The following NR4A3 variants were observed in gnomAD, a reference collection of about 807,000 sequenced individuals.
The protein encoded by NR4A3 is chondrosarcoma, extraskeletal myxoid, fused to EWS.
A neutral mutation model predicts 55.6 loss-of-function variants in NR4A3; 13 were observed. That is an observed-to-expected ratio of 0.23 (90% confidence interval 0.15 to 0.37). NR4A3 has a LOEUF of 0.37. Among genes scored for constraint, NR4A3 ranks in the 10% least tolerant of loss-of-function variants. NR4A3 has a pLI of 1.00. For synonymous variants in NR4A3, 342 were observed against 357.9 expected, an observed-to-expected ratio of 0.96 and a Z score of 0.50; for missense variants, 646 against 822.8, an observed-to-expected ratio of 0.79 and a Z score of 2.63.
chr9:99,858,285 A>G (rs1011876093), intron 7 of NR4A3, among the ~76,000 whole-genome samples: 2 of 152,164 alleles, frequency 1.3e-5, no homozygotes, highest in Admixed American at 6.5e-5. Flanking sequence ...ATGAGCACAG[A>G]CCTAAATATA....
intron 5 of NR4A3, among the ~76,000 whole-genome samples, chr9:99,843,577 G>A (rs1393228136): frequency 6.6e-6 from 1 of 152,090 alleles, no homozygotes; most frequent in East Asian, 1.9e-4. Flanking sequence ...CCAGTACTTC[G>A]GGAGGCTGAG....
At chr9:99,835,149 C>T (rs1827535472) in intron 5 of NR4A3, 1 of 156,216 alleles carries the variant, frequency 6.4e-6, no homozygotes, top group Non-Finnish European at 1.4e-5. Flanking sequence ...GCACAGTGCC[C>T]TGTATGTTAT....
At chr9:99,832,087 A>G (rs1340999053) in intron 3 of NR4A3, among the ~76,000 whole-genome samples, 2 of 152,194 alleles carry the variant, frequency 1.3e-5, no homozygotes, top group Non-Finnish European at 2.9e-5. Flanking sequence ...GCTTTGAAAA[A>G]TCAGGAATGG....
chr9:99,848,318 G>A (rs2118123804), intron 7 of NR4A3, among the ~76,000 whole-genome samples: 2 of 152,222 alleles, frequency 1.3e-5, no homozygotes, highest in East Asian at 1.9e-4. Context: ...GTTCAACTCA[G>A]CAGTTTTTTA....
chr9:99,828,278 T>A lies in NR4A3; in HGVS notation c.236T>A (p.Met79Lys). Residue 79 changes from methionine to lysine, a missense_variant, in exon 3 of 8, where the codon ATG (methionine) becomes AAG (lysine). Physicochemically the swap from Met to Lys is moderately conservative, Grantham distance 95. Transcript: ENST00000395097. This position sits in a 1 kb window ranked among gnomAD's most constrained non-coding sequence, Gnocchi z 7.7. The stretch of plus-strand genomic sequence containing the variant: ...CTCAAGCCTTCCTGCGTGTACCAAA[T>A]GCAGCGGCCCTTGATCAAAGTGGAG... ...YELKPSCVYQ[M>K]QRPLIKVEEG... is the part of the protein sequence containing the mutation. The A allele has an allele frequency of 6.2e-7, 1 of 1,613,844 alleles. No individual in the cohort carries two copies. The highest frequency in any genetic ancestry group is 8.5e-7 in the Non-Finnish European group (1 of 1,179,950).
At position 99,828,902 on chromosome 9, in the gene NR4A3, C is replaced by T. The variant is rs1195918227; in HGVS notation, c.860C>T (p.Ser287Phe). The stretch of plus-strand genomic sequence containing the variant: ...TCGCCGCCCAGCAGGAGCTCGTCGT[C>T]TGGCGAGGGCACGTGTGCCGTGTGC... ...LPSPPSRSSS[S>F]GEGTCAVCGD... Residue 287 changes from serine (S) to phenylalanine (F), a missense_variant, in exon 3 of 8, where the codon TCT becomes TTT. Physicochemically the swap from Ser to Phe is radical, Grantham distance 155 (BLOSUM62 -2). Coordinates refer to ENST00000395097, the MANE Select transcript of NR4A3 (RefSeq NM_006981.4). The surrounding 1 kb of genome is among the most constrained non-coding windows in gnomAD (Gnocchi z 7.7). 3.3e-6 allele frequency: 5 copies of T among 1,505,520 alleles called. No individual in the cohort carries two copies. Among genetic ancestry groups the T allele is most frequent in the Non-Finnish European group, 8.8e-7 (1 of 1,131,526 alleles). The allele number at this position is 1,505,520 out of a possible 1,614,324, so 93.3% of individuals were successfully genotyped here. A position where few individuals can be genotyped will look rare whatever the true frequency, so the allele number is the denominator to read the frequency against.
In NR4A3 at chr9:99,832,755, C is replaced by T. The variant is rs1415682514; in HGVS notation, c.1018C>T (p.Arg340Cys). ...TAAAAACTGCCCAGTAGACAAGAGA[C>T]GTCGAAACCGATGTCAGTACTGTCG... ...ANKNCPVDKR[R>C]RNRCQYCRFQ... Residue 340 changes from arginine to cysteine, a missense_variant, in exon 4 of 8, where the codon CGT (arginine) becomes TGT (cysteine). Arg to Cys is a radical substitution (Grantham distance 180, BLOSUM62 -3). This residue lies in a region of NR4A3 where 44 missense variants were observed against 119.3 expected (regional missense o/e 0.37). Transcript: ENST00000395097. 4 of 1,608,930 alleles carry T rather than the reference C, an allele frequency of 2.5e-6. No homozygotes were observed. Among genetic ancestry groups the T allele is most frequent in the Admixed American group, 1.7e-5 (1 of 59,806 alleles).
In NR4A3 at chr9:99,832,759, G is replaced by A. The variant is rs1827470460; in HGVS notation, c.1022G>A (p.Arg341Gln). ...NKNCPVDKRR[R>Q]NRCQYCRFQK... ...AACTGCCCAGTAGACAAGAGACGTC[G>A]AAACCGATGTCAGTACTGTCGATTT... The change falls in exon 4 of 8, where the codon CGA becomes CAA. Residue 341 changes from arginine (R) to glutamine (Q), a missense_variant. Arg to Gln is a conservative substitution (Grantham distance 43). Coordinates refer to ENST00000395097, the MANE Select transcript of NR4A3 (RefSeq NM_006981.4). 6.2e-7 allele frequency: 1 copy of A among 1,609,368 alleles called. No individual in the cohort carries two copies. Among genetic ancestry groups the A allele is most frequent in the Non-Finnish European group, 8.5e-7 (1 of 1,176,654 alleles).
intron 5 of NR4A3, among the ~76,000 whole-genome samples, chr9:99,841,446 C>T (rs1460819594): frequency 3.3e-5 from 5 of 152,096 alleles, no homozygotes; most frequent in African/African-American, 9.7e-5. Context: ...AACATCAGGG[C>T]TGAAAATCAA....
chr9:99,865,314 A>G lies in NR4A3; in HGVS notation c.*1447A>G, dbSNP rs1018975167. ...ATTAAATAAGCAAATATATATATAT[A>G]TATAAATATAGCAGGTTACATATAT... On this transcript the variant is annotated 3_prime_UTR_variant, in exon 8 of 8. Coordinates refer to ENST00000395097, the MANE Select transcript of NR4A3 (RefSeq NM_006981.4). This position sits in a 1 kb window ranked among gnomAD's most constrained non-coding sequence, Gnocchi z 4.3. The G allele has an allele frequency of 1.2e-5, 2 of 170,294 alleles. No homozygotes were observed. The highest frequency in any genetic ancestry group is 6.4e-5 in the Admixed American group (1 of 15,618). The allele number at this position is 170,294 out of a possible 1,614,324, so 10.5% of individuals were successfully genotyped here.
At chr9:99,860,188 T>G (rs886505533) in intron 7 of NR4A3, among the ~76,000 whole-genome samples, 1 of 151,638 alleles carries the variant, frequency 6.6e-6, no homozygotes, top group Non-Finnish European at 1.5e-5. Context: ...TATTTAATAT[T>G]CTACTCTTTA....
chr9:99,830,321 A>G (rs750480868), intron 3 of NR4A3, among the ~76,000 whole-genome samples: 18 of 152,226 alleles, frequency 1.2e-4, no homozygotes, highest in Non-Finnish European at 2.1e-4. Context: ...TTCCCTATCA[A>G]TGAATAAAAC....
chr9:99,828,767 C>A lies in NR4A3; in HGVS notation c.725C>A (p.Pro242Gln). The stretch of plus-strand genomic sequence containing the variant: ...CAGGCCGCCGCGCTTGAGAGCCACC[C>A]GTACGGGCTGCCGCTGGCCAAGAGG... ...GSQAAALESH[P>Q]YGLPLAKRAA... The change falls in exon 3 of 8, where the codon CCG becomes CAG. Residue 242 changes from proline (P) to glutamine (Q), a missense_variant. By Grantham distance (76) the Pro-to-Gln change is moderately conservative. Coordinates refer to ENST00000395097, the MANE Select transcript of NR4A3 (RefSeq NM_006981.4). The surrounding 1 kb of genome is among the most constrained non-coding windows in gnomAD (Gnocchi z 7.7). 2.1e-6 allele frequency: 3 copies of A among 1,428,404 alleles called. No homozygotes were observed. The highest frequency in any genetic ancestry group is 3.0e-5 in the East Asian group (1 of 32,808). 88.5% of individuals were successfully genotyped at this position (1,428,404 alleles called of 1,614,324 possible).
intron 3 of NR4A3, among the ~76,000 whole-genome samples, chr9:99,830,052 C>T (rs1457177273): frequency 6.6e-6 from 1 of 152,224 alleles, no homozygotes. Context: ...ACTTCTGTGC[C>T]ATCCTTCTCA....
rs1587871110 is a variant in NR4A3 at position 99,826,856 on chromosome 9, C to G, written c.-3+1024C>G. On this transcript the variant is annotated intron_variant, in intron 2 of 7. Transcript: ENST00000395097. ...AGTATTCACTTCTCTATTAGTCACA[C>G]CTTTTACACCATAGACTCCAAAGAG... 11 of 1,495,470 alleles carry G rather than the reference C, an allele frequency of 7.4e-6. No homozygotes were observed. The East Asian group carries it at 2.5e-4, about 34-fold the overall frequency. 92.6% of individuals were successfully genotyped at this position (1,495,470 alleles called of 1,614,324 possible).
At position 99,844,854 on chromosome 9, in the gene NR4A3, T is replaced by C. The variant is rs766969633; in HGVS notation, c.1454+6T>C. ...GTCCTCAGACTTTCCATCAGGTAATTACTACTATTTTATCTTCAGTCTACG... is the reference window on the plus strand; with the variant it reads ...GTCCTCAGACTTTCCATCAGGTAATCACTACTATTTTATCTTCAGTCTACG... On this transcript the variant is annotated splice_donor_region_variant and intron_variant, in intron 6 of 7. Transcript: ENST00000395097. 16 of 1,605,914 alleles carry C rather than the reference T, an allele frequency of 1.0e-5. No individual in the cohort carries two copies. The highest frequency in any genetic ancestry group is 1.2e-5 in the Non-Finnish European group (14 of 1,172,588).
intron 3 of NR4A3, among the ~76,000 whole-genome samples, chr9:99,831,234 A>G (rs73499672): frequency 0.022 from 3,366 of 152,338 alleles, 132 homozygotes; most frequent in African/African-American, 0.078. Flanking sequence ...AGCCTTGAGG[A>G]TGATGGCAAG....
intron 3 of NR4A3, among the ~76,000 whole-genome samples, chr9:99,830,712 C>T (rs1360910375): frequency 6.6e-6 from 1 of 152,190 alleles, no homozygotes; most frequent in Non-Finnish European, 1.5e-5. Flanking sequence ...CAAGTAACTG[C>T]ATTCCTTTAG....
At chr9:99,833,747 CT>C (rs1283854949) in intron 5 of NR4A3, 23 of 1,429,376 alleles carry the variant, frequency 1.6e-5, no homozygotes, top group Non-Finnish European at 2.0e-5. Flanking sequence ...CACAGACAAA[CT>C]ACAATTTGTA....
Sources: gnomAD v4.1 joint callset for allele counts (sites outside exome capture counted in the v4.1 genomes callset) on GRCh38, gnomAD v4.1.1 for gene constraint, gnomAD v4.1.1 regional missense constraint, Gnocchi (gnomAD v3.1) non-coding constraint, MANE v1.5 for transcripts, NCBI Gene and HGNC (gene_info 2026-07-23, HGNC 2026-07-21) for gene names.